SH2D4A: variants seen among roughly 807,000 people sequenced by gnomAD.
The protein encoded by SH2D4A is SH2 domain-containing protein 4A.
In SH2D4A, 70 loss-of-function variants were observed where a neutral mutation model predicts 64.7. The observed-to-expected ratio is 1.08, with a 90% CI of 0.89 to 1.32. SH2D4A has a LOEUF of 1.32. SH2D4A is among the 40% of genes most tolerant of loss of function. SH2D4A has a pLI of 0.00. For synonymous variants in SH2D4A, 268 were observed against 200.7 expected, an observed-to-expected ratio of 1.34 and a Z score of -2.83; for missense variants, 706 against 540.1, an observed-to-expected ratio of 1.31 and a Z score of -3.04.
At chr8:19,360,301 T>G (rs544341730) in intron 5 of SH2D4A, among the ~76,000 whole-genome samples, 34 of 151,922 alleles carry the variant, frequency 2.2e-4, no homozygotes, top group African/African-American at 8.0e-4. Context: ...TTCTGTTTTT[T>G]TTTTTTTTTG....
At chr8:19,340,334 G>A (rs576467242) in intron 4 of SH2D4A, among the ~76,000 whole-genome samples, 2 of 152,284 alleles carry the variant, frequency 1.3e-5, no homozygotes, top group African/African-American at 4.8e-5. Context: ...ATCGAGCAAA[G>A]GGTTGAGCTG....
At chr8:19,365,483 G>T (rs1227495613) in intron 7 of SH2D4A, among the ~76,000 whole-genome samples, 1 of 152,154 alleles carries the variant, frequency 6.6e-6, no homozygotes, top group Non-Finnish European at 1.5e-5. Flanking sequence ...GAGCTTGTCT[G>T]TCCGCACGTT....
At chr8:19,344,606 G>A (rs1024755562) in intron 4 of SH2D4A, among the ~76,000 whole-genome samples, 52 of 152,134 alleles carry the variant, frequency 3.4e-4, no homozygotes, top group African/African-American at 1.3e-3. Flanking sequence ...TAATGTCTGA[G>A]GAGCTCCTTT....
intron 7 of SH2D4A, among the ~76,000 whole-genome samples, chr8:19,373,304 C>CG (rs1308932016): frequency 2.8e-5 from 4 of 144,204 alleles, no homozygotes; most frequent in African/African-American, 1.2e-4. Flanking sequence ...AATTCCCTCT[C>CG]CCTCCCATTC....
intron 4 of SH2D4A, among the ~76,000 whole-genome samples, chr8:19,354,240 A>G (rs1201211669): frequency 6.6e-6 from 1 of 152,098 alleles, no homozygotes; most frequent in Non-Finnish European, 1.5e-5. Flanking sequence ...ACCTCAGGTG[A>G]TCCACCCAAC....
chr8:19,319,760 G>A, intron 2 of SH2D4A, 32 bp downstream of exon 2: 2 of 1,531,664 alleles, frequency 1.3e-6, no homozygotes, highest in South Asian at 2.6e-5. Context: ...CTGTGGATGT[G>A]TTGGTAGAAC....
At chr8:19,359,883 G>T (rs1451656837) in intron 5 of SH2D4A, among the ~76,000 whole-genome samples, 1 of 152,192 alleles carries the variant, frequency 6.6e-6, no homozygotes, top group Non-Finnish European at 1.5e-5. Context: ...TTACATTTCT[G>T]TGGGAAAGCA....
At chr8:19,386,768 C>T (rs1456735556) in intron 8 of SH2D4A, among the ~76,000 whole-genome samples, 1 of 152,176 alleles carries the variant, frequency 6.6e-6, no homozygotes, top group Non-Finnish European at 1.5e-5. Context: ...TGTCATCAAA[C>T]ATTTGTTATC....
intron 7 of SH2D4A, among the ~76,000 whole-genome samples, chr8:19,371,751 T>C (rs753459232): frequency 1.3e-5 from 2 of 152,196 alleles, no homozygotes; most frequent in East Asian, 1.9e-4. Context: ...CTTCATGTCA[T>C]TGTTTTCTTT....
intron 8 of SH2D4A, among the ~76,000 whole-genome samples, chr8:19,375,998 G>A (rs1392336787): frequency 6.6e-6 from 1 of 152,020 alleles, no homozygotes; most frequent in East Asian, 1.9e-4. Context: ...ACCTCTCCAG[G>A]CCTCCCTTCC....
rs1462459880 is a variant in SH2D4A, at chr8:19,396,120, T to C, written c.*1478T>C. The C allele has an allele frequency of 2.6e-5, 4 of 152,184 alleles. No homozygotes were observed. Among genetic ancestry groups the C allele is most frequent in the Admixed American group, 1.3e-4 (2 of 15,272 alleles). 9.4% of individuals were successfully genotyped at this position (152,184 alleles called of 1,614,324 possible). Reference sequence around the variant, plus strand: ...GGTGGCTCTGAGCCACTGGAGATCATTTTTCTTGGAGGATGGAGATTGGCT... The same window carrying C: ...GGTGGCTCTGAGCCACTGGAGATCACTTTTCTTGGAGGATGGAGATTGGCT... On this transcript the variant is annotated 3_prime_UTR_variant, in exon 10 of 10. Transcript: ENST00000265807.
At chr8:19,371,862 C>T (rs868031453) in intron 7 of SH2D4A, among the ~76,000 whole-genome samples, 10 of 152,022 alleles carry the variant, frequency 6.6e-5, no homozygotes, top group Non-Finnish European at 1.2e-4. Context: ...TTGCATTTTT[C>T]GGCTCCAGGA....
chr8:19,363,792 G>C (rs2052934088), intron 6 of SH2D4A: 1 of 439,052 alleles, frequency 2.3e-6, no homozygotes, highest in African/African-American at 2.0e-5. Flanking sequence ...GGAAATTCTT[G>C]CACACTTTCT....
chr8:19,339,452 T>G lies in SH2D4A; in HGVS notation c.513+4595T>G, dbSNP rs1309355430. 2.6e-5 allele frequency among the ~76,000 whole-genome samples: 4 copies of G among 151,598 alleles called. No individual in the cohort carries two copies. The East Asian group carries it at 7.7e-4, about 29-fold the overall frequency. ...TTATTTCAGTACCTCCAAACACATA[T>G]CAGATATTTAGTTAGCTCACTTTCC... On this transcript the variant is annotated intron_variant, in intron 4 of 9. Coordinates refer to ENST00000265807, the MANE Select transcript of SH2D4A (RefSeq NM_022071.4).
chr8:19,363,000 C>T (rs1462293007), intron 6 of SH2D4A, among the ~76,000 whole-genome samples: 1 of 152,086 alleles, frequency 6.6e-6, no homozygotes, highest in African/African-American at 2.4e-5. Context: ...ATGGTAAGTG[C>T]CTTATGTAGA....
chr8:19,358,106 T>G (rs138131529), intron 5 of SH2D4A, among the ~76,000 whole-genome samples: 1 of 152,304 alleles, frequency 6.6e-6, no homozygotes, highest in Non-Finnish European at 1.5e-5. Flanking sequence ...CAATACATAC[T>G]TCTTTCTAAA....
intron 7 of SH2D4A, among the ~76,000 whole-genome samples, chr8:19,365,706 T>G (rs1040739530): frequency 2.6e-5 from 4 of 152,180 alleles, no homozygotes; most frequent in Admixed American, 1.3e-4. Context: ...CTGAAGACAC[T>G]GCATGAAGTG....
intron 4 of SH2D4A, among the ~76,000 whole-genome samples, chr8:19,335,568 C>G (rs888413423): frequency 6.6e-6 from 1 of 152,176 alleles, no homozygotes; most frequent in Non-Finnish European, 1.5e-5. Context: ...CAGCTATACA[C>G]AAATGAATGA....
chr8:19,344,802 A>T (rs2052586593), intron 4 of SH2D4A, among the ~76,000 whole-genome samples: 1 of 151,890 alleles, frequency 6.6e-6, no homozygotes, highest in South Asian at 2.1e-4. Context: ...TTTATAAAAG[A>T]AATACTGTGC....
Sources: allele counts gnomAD v4.1 joint callset (sites outside exome capture counted in the v4.1 genomes callset), GRCh38; gene constraint gnomAD v4.1.1; transcripts MANE v1.5; gene names NCBI Gene and HGNC (gene_info 2026-07-23, HGNC 2026-07-21).